GSN: variants seen among roughly 807,000 people sequenced by gnomAD.
GSN encodes gelsolin, also known as actin-depolymerizing factor.
In GSN, 56 loss-of-function variants were observed where a neutral mutation model predicts 85.7. That is an observed-to-expected ratio of 0.65 (90% CI 0.53 to 0.82). GSN has a LOEUF of 0.82. GSN is among the 40% of genes least tolerant of loss of function. The pLI is 0.00. For missense variants in GSN, 857 were observed against 979.8 expected (o/e 0.87, Z 1.67); for synonymous variants, 373 against 399.1 (o/e 0.93, Z 0.78).
At chr9:121,286,203 TG>T in intron 2 of GSN, 11 of 1,492,874 alleles carry the variant, frequency 7.4e-6, no homozygotes, top group Non-Finnish European at 9.9e-6. Flanking sequence ...GCACGGGATC[TG>T]GGGTGGTCCC....
At chr9:121,225,693 C>T (rs916464311) in intron 4 of GSN, among the ~76,000 whole-genome samples, 1 of 152,220 alleles carries the variant, frequency 6.6e-6, no homozygotes, top group Non-Finnish European at 1.5e-5. Context: ...CCATCTCGAA[C>T]TCTTATCTCC....
At chr9:121,326,942 C>T in intron 13 of GSN, 1 of 680,574 alleles carries the variant, frequency 1.5e-6, no homozygotes, top group Non-Finnish European at 2.7e-6. Flanking sequence ...GCATGCCATT[C>T]CTGATTACGT....
intron 6 of GSN, among the ~76,000 whole-genome samples, chr9:121,251,810 A>G (rs1488191311): frequency 6.6e-6 from 1 of 151,894 alleles, no homozygotes; most frequent in African/African-American, 2.4e-5. Context: ...AATACAAAAA[A>G]ATTAGCCGGG....
intron 1 of GSN, among the ~76,000 whole-genome samples, chr9:121,278,713 G>A (rs1200647281): frequency 2.6e-5 from 4 of 152,248 alleles, no homozygotes; most frequent in South Asian, 2.1e-4. Flanking sequence ...GAGTGTGTGG[G>A]TGGTGGACTA....
chr9:121,247,086 T>C (rs918620828), intron 5 of GSN, among the ~76,000 whole-genome samples: 1 of 152,134 alleles, frequency 6.6e-6, no homozygotes, highest in African/African-American at 2.4e-5. Context: ...TTGCTGAGAA[T>C]GATGCCTTGG....
chr9:121,305,833 C>T (rs2060353146), intron 4 of GSN, among the ~76,000 whole-genome samples: 1 of 152,214 alleles, frequency 6.6e-6, no homozygotes, highest in Non-Finnish European at 1.5e-5. Context: ...GCAGGTCCAG[C>T]CCAAGGTTCT....
At chr9:121,208,253 C>T (rs1302943237) in intron 1 of GSN, among the ~76,000 whole-genome samples, 1 of 152,208 alleles carries the variant, frequency 6.6e-6, no homozygotes, top group Non-Finnish European at 1.5e-5. Flanking sequence ...CCTGGTCCTT[C>T]TCTTCTCTCC....
Position 121,310,803 on chromosome 9 carries a change from G to A in GSN, c.471G>A (p.Glu157=), listed in dbSNP as rs762381274. ...VRATEVPVSW[E]SFNNGDCFIL... is the part of the protein sequence containing the mutation. ...CCACCGAGGTACCTGTGTCCTGGGA[G>A]AGCTTCAACAATGGCGACTGCTTCA... Residue 157 remains glutamate (E), a synonymous_variant, in exon 5 of 18, where the codon GAG becomes GAA. Transcript: ENST00000432226. 6.2e-7 allele frequency: 1 copy of A among 1,614,198 alleles called. No homozygotes were observed. Among genetic ancestry groups the A allele is most frequent in the South Asian group, 1.1e-5 (1 of 91,082 alleles).
At chr9:121,244,216 A>C (rs2054657396) in intron 5 of GSN, among the ~76,000 whole-genome samples, 1 of 152,256 alleles carries the variant, frequency 6.6e-6, no homozygotes, top group South Asian at 2.1e-4. Context: ...GATTAAATAG[A>C]TGTATCACAA....
At chr9:121,234,905 A>G (rs1210852434) in intron 5 of GSN, among the ~76,000 whole-genome samples, 1 of 152,216 alleles carries the variant, frequency 6.6e-6, no homozygotes, top group East Asian at 1.9e-4. Context: ...CATGAGAACA[A>G]TTTGGCTGTT....
chr9:121,268,820 T>C (rs898688691), intron 1 of GSN, among the ~76,000 whole-genome samples: 1 of 151,984 alleles, frequency 6.6e-6, no homozygotes, highest in Non-Finnish European at 1.5e-5. Context: ...TCTTCTGGAG[T>C]TGAAGACAGT....
In GSN at chr9:121,324,631, G is replaced by T. The variant is rs2062921993; in HGVS notation, c.1403G>T (p.Gly468Val). 10 of 1,532,776 alleles carry T rather than the reference G, an allele frequency of 6.5e-6. No individual in the cohort carries two copies. The East Asian group carries it at 2.4e-4, about 38-fold the overall frequency. 94.9% of individuals were successfully genotyped at this position (1,532,776 alleles called of 1,614,324 possible). ...LTAQLDEELG[G>V]TPVQSRVVQG... ...GCTCAGCTGGATGAGGAGCTGGGAGGTACCCCTGTCCAGGTGAGCCCAGCC... is the reference window on the plus strand; with the variant it reads ...GCTCAGCTGGATGAGGAGCTGGGAGTTACCCCTGTCCAGGTGAGCCCAGCC... Residue 468 changes from glycine (G) to valine (V), a missense_variant, in exon 12 of 18, where the codon GGT becomes GTT. Gly to Val is a moderately radical substitution (Grantham distance 109). Coordinates refer to ENST00000432226, the MANE Select transcript of GSN (RefSeq NM_198252.3).
chr9:121,260,542 A>G (rs2055060203), intron 6 of GSN, among the ~76,000 whole-genome samples: 1 of 152,268 alleles, frequency 6.6e-6, no homozygotes. Flanking sequence ...TCCCTGGGAC[A>G]GGAAACCTGT....
chr9:121,205,209 A>G (rs939038546), upstream of GSN, among the ~76,000 whole-genome samples: 3 of 152,210 alleles, frequency 2.0e-5, no homozygotes, highest in Non-Finnish European at 4.4e-5. Flanking sequence ...CAGACACACC[A>G]TCACCAGTAA....
intron 2 of GSN, among the ~76,000 whole-genome samples, chr9:121,291,824 G>A (rs1564443459): frequency 6.6e-6 from 1 of 152,256 alleles, no homozygotes; most frequent in Non-Finnish European, 1.5e-5. Context: ...GCTCAGAGAG[G>A]TTGTGTCCCT....
rs1350163292 is a variant in GSN, at chr9:121,332,722, TTTC to T, written c.*122_*124del. 1 of 715,946 alleles carries T rather than the reference TTTC, an allele frequency of 1.4e-6. No homozygotes were observed. Among genetic ancestry groups the T allele is most frequent in the Non-Finnish European group, 2.3e-6 (1 of 443,662 alleles). The allele number at this position is 715,946 out of a possible 1,614,324, so 44.3% of individuals were successfully genotyped here. On this transcript the variant is annotated 3_prime_UTR_variant, in exon 18 of 18. Transcript: ENST00000432226. The surrounding 1 kb of genome is among the most constrained non-coding windows in gnomAD (Gnocchi z 4.8). ...TGAGTGTGTGTGTGTGTGTGTGTTGTTTCTTTTTTTTTTTTTTACAGTATCCAA... is the reference window on the plus strand; with the variant it reads ...TGAGTGTGTGTGTGTGTGTGTGTTGTTTTTTTTTTTTTTTACAGTATCCAA...
At chr9:121,291,720 C>A (rs2058711862) in intron 2 of GSN, among the ~76,000 whole-genome samples, 1 of 151,930 alleles carries the variant, frequency 6.6e-6, no homozygotes, top group South Asian at 2.1e-4. Flanking sequence ...GCACCTGGCC[C>A]CCATTGGACT....
chr9:121,279,097 G>A (rs1400045297), intron 1 of GSN, among the ~76,000 whole-genome samples: 2 of 152,212 alleles, frequency 1.3e-5, no homozygotes, highest in African/African-American at 4.8e-5. Flanking sequence ...GACTATTACA[G>A]TAGAGTGTGA....
In GSN at chr9:121,241,170, C is replaced by T. The variant is rs147758285; in HGVS notation, c.-388-7106C>T. ...AAGGCAGCTTGTAAAAGAATAAACT[C>T]GGAAAGAAGTGCAAAGGGCATCTAT... On this transcript the variant is annotated intron_variant, in intron 5 of 24. Coordinates refer to the GSN transcript ENST00000373823. 3.6e-3 allele frequency among the ~76,000 whole-genome samples: 544 copies of T among 152,192 alleles called. 3 individuals carry two copies. The highest frequency in any genetic ancestry group is 0.012 in the African/African-American group (505 of 41,504).
Sources: allele counts gnomAD v4.1 joint callset (sites outside exome capture counted in the v4.1 genomes callset), GRCh38; gene constraint gnomAD v4.1.1; non-coding constraint Gnocchi (gnomAD v3.1); transcripts MANE v1.5; gene names NCBI Gene and HGNC (gene_info 2026-07-23, HGNC 2026-07-21).